Variants in MAOA observed in about 807,000 individuals in gnomAD.
MAOA encodes the protein monoamine oxidase A.
MAOA carries 6 observed loss-of-function variants against 42.0 expected under a neutral mutation model. That is an observed-to-expected ratio of 0.14 (90% CI 0.08 to 0.28). The LOEUF (loss-of-function observed/expected upper bound fraction) is 0.28. Ranked by LOEUF, MAOA falls within the 10% of genes least tolerant of loss-of-function variation. The pLI, the probability that MAOA is intolerant of heterozygous loss-of-function variation, is 1.00. For synonymous variants in MAOA, 140 were observed against 154.0 expected (o/e 0.91, Z 0.67); for missense variants, 262 against 422.3 (o/e 0.62, Z 3.33).
chrX:43,725,997 C>T (rs1333717943), intron 5 of MAOA, among the ~76,000 whole-genome samples: 3 of 111,754 alleles, frequency 2.7e-5, no homozygotes, highest in East Asian at 5.6e-4. Flanking sequence ...TGAATATTGG[C>T]CCCCACTCTC....
chrX:43,660,152 C>T (rs1029789118), intron 1 of MAOA, among the ~76,000 whole-genome samples: 1 of 111,493 alleles, frequency 9.0e-6, no homozygotes. Flanking sequence ...TTAGCTCCCA[C>T]TTATAAGTGA....
At chrX:43,685,660 T>C (rs1362966861) in intron 2 of MAOA, among the ~76,000 whole-genome samples, 1 of 111,801 alleles carries the variant, frequency 8.9e-6, no homozygotes, top group Non-Finnish European at 1.9e-5. Context: ...CAAAGTGTCA[T>C]CTGTGGGTCA....
At chrX:43,693,254 A>G in intron 2 of MAOA, 37 bp from the exon 3 acceptor site, 1 of 1,196,071 alleles carries the variant, frequency 8.4e-7, no homozygotes, top group South Asian at 1.8e-5. Flanking sequence ...TCCAAGTTTT[A>G]ACTAAAGTCC....
chrX:43,705,738 A>G (rs1434959494), intron 3 of MAOA, among the ~76,000 whole-genome samples: 2 of 112,273 alleles, frequency 1.8e-5, no homozygotes, highest in East Asian at 2.8e-4. Context: ...CCGAACATAT[A>G]AAGAACTCTA....
intron 9 of MAOA, among the ~76,000 whole-genome samples, chrX:43,734,634 A>C (rs2033907183): frequency 8.9e-6 from 1 of 112,271 alleles, no homozygotes. Flanking sequence ...GTTTGTAATA[A>C]ACTTTTGGAA....
At chrX:43,730,333 G>A in intron 6 of MAOA, among the ~76,000 whole-genome samples, 1 of 110,009 alleles carries the variant, frequency 9.1e-6, no homozygotes, top group Non-Finnish European at 1.9e-5. Context: ...AGAAGGCAGA[G>A]GGTAGAGCAC....
intron 3 of MAOA, among the ~76,000 whole-genome samples, chrX:43,709,010 A>G (rs1216110542): frequency 1.8e-5 from 2 of 109,929 alleles, no homozygotes; most frequent in Non-Finnish European, 3.8e-5. Flanking sequence ...ACAGGCACCC[A>G]TCACCACGCC....
upstream of MAOA, chrX:43,655,439 G>T (rs2033170379): frequency 8.9e-6 from 1 of 111,895 alleles, no homozygotes; most frequent in Non-Finnish European, 1.9e-5. Flanking sequence ...GTCTTAGCGA[G>T]AGTACTGACT....
chrX:43,715,636 A>G, intron 5 of MAOA, among the ~76,000 whole-genome samples: 1 of 110,764 alleles, frequency 9.0e-6, no homozygotes, highest in Non-Finnish European at 1.9e-5. Context: ...CCAGGAATGA[A>G]CCAAAGGGGC....
chrX:43,679,036 TCAA>T (rs2033422717), intron 1 of MAOA, among the ~76,000 whole-genome samples: 1 of 111,758 alleles, frequency 8.9e-6, no homozygotes, highest in African/African-American at 3.2e-5. Flanking sequence ...CCTTAACCCT[TCAA>T]ATTCTAAGAC....
chrX:43,736,070 C>T (rs750640784), intron 9 of MAOA, among the ~76,000 whole-genome samples, 157 bp from the exon 10 acceptor site: 1 of 108,668 alleles, frequency 9.2e-6, no homozygotes, highest in African/African-American at 3.3e-5. Context: ...CACAGGCAGA[C>T]CAAAGACAAT....
chrX:43,656,192 G>T (rs1469069203), upstream of MAOA: 34 of 506,971 alleles, frequency 6.7e-5, no homozygotes, highest in Admixed American at 9.3e-4. Context: ...AAAAGGGTTC[G>T]CCCCGCCCAC....
chrX:43,709,662 G>A (rs1357043856), intron 3 of MAOA, among the ~76,000 whole-genome samples: 1 of 111,805 alleles, frequency 8.9e-6, no homozygotes, highest in Admixed American at 9.5e-5. Flanking sequence ...TCAGTTAAAG[G>A]AGGAATTATA....
chrX:43,719,553 G>A (rs1044117834), intron 5 of MAOA, among the ~76,000 whole-genome samples: 3 of 111,030 alleles, frequency 2.7e-5, no homozygotes, highest in African/African-American at 9.9e-5. Flanking sequence ...CATAGGGGTA[G>A]ATGGGAGACA....
At chrX:43,738,622 A>G (rs765810521) in intron 10 of MAOA, among the ~76,000 whole-genome samples, 1 of 110,944 alleles carries the variant, frequency 9.0e-6, no homozygotes, top group Non-Finnish European at 1.9e-5. Context: ...GAGGTTGAAG[A>G]CCAGCTTGGG....
intron 9 of MAOA, among the ~76,000 whole-genome samples, chrX:43,735,462 T>A (rs1182273078): frequency 1.8e-5 from 2 of 111,273 alleles, no homozygotes; most frequent in African/African-American, 6.5e-5. Flanking sequence ...TATAACTGAG[T>A]TTTATTGAGT....
chrX:43,690,756 C>G (rs766603399), intron 2 of MAOA, among the ~76,000 whole-genome samples: 72 of 110,672 alleles, frequency 6.5e-4, no homozygotes, highest in Admixed American at 2.4e-3. Flanking sequence ...TTTTTTTTTC[C>G]TTTTCTTTGT....
At chrX:43,678,221 T>A (rs1391079572) in intron 1 of MAOA, among the ~76,000 whole-genome samples, 2 of 111,467 alleles carry the variant, frequency 1.8e-5, no homozygotes, top group Non-Finnish European at 3.8e-5. Context: ...AACCCTTCCC[T>A]TATCATGCGG....
intron 7 of MAOA, 56 bp downstream of exon 7, chrX:43,731,446 G>A: frequency 9.1e-7 from 1 of 1,104,947 alleles, no homozygotes; most frequent in Non-Finnish European, 1.2e-6. Context: ...GTCTTTTGCA[G>A]TTTCTAACCA....
Sources: gnomAD v4.1 joint callset for allele counts (sites outside exome capture counted in the v4.1 genomes callset) on GRCh38, gnomAD v4.1.1 for gene constraint, MANE v1.5 for transcripts, NCBI Gene and HGNC (gene_info 2026-07-23, HGNC 2026-07-21) for gene names.